TBC1D9: variants seen among roughly 807,000 people sequenced by gnomAD.
TBC1D9 encodes TBC1 domain family member 9A.
In TBC1D9, 63 loss-of-function variants were observed where a neutral mutation model predicts 132.0. That is an observed-to-expected ratio of 0.48 (90% CI 0.39 to 0.59). The LOEUF (loss-of-function observed/expected upper bound fraction) is 0.59. TBC1D9 is among the 20% of genes least tolerant of loss of function. TBC1D9 has a pLI of 0.00. For synonymous variants in TBC1D9, 610 were observed against 609.9 expected (o/e 1.00, Z 0.00); for missense variants, 1,261 against 1,592.7 (o/e 0.79, Z 3.54).
At chr4:140,641,751 T>C (rs1417150470) in intron 13 of TBC1D9, 4 of 225,074 alleles carry the variant, frequency 1.8e-5, no homozygotes, top group South Asian at 1.4e-4. Flanking sequence ...AACGATACAG[T>C]ACAAATCAAA....
Position 140,686,434 on chromosome 4 carries a change from G to A in TBC1D9, c.270C>T (p.His90=), listed in dbSNP as rs767632810. ...AGAGATTTTGCTCAAGCCATTCCCA[G>A]TGTTCAGTGATTTCTTTCCTGGAAC... ...CGGSRKEITE[H]WEWLEQNLLQ... is the part of the protein sequence containing the mutation. The change falls in exon 3 of 21, where the codon CAC becomes CAT. Residue 90 remains histidine, a synonymous_variant. Coordinates refer to ENST00000442267, the MANE Select transcript of TBC1D9 (RefSeq NM_015130.3). 36 of 1,610,978 alleles carry A rather than the reference G, an allele frequency of 2.2e-5. No individual in the cohort carries two copies. The South Asian group carries it at 3.7e-4, about 17-fold the overall frequency.
At chr4:140,678,690 C>T (rs894886866) in intron 5 of TBC1D9, among the ~76,000 whole-genome samples, 3 of 152,200 alleles carry the variant, frequency 2.0e-5, no homozygotes, top group African/African-American at 7.2e-5. Context: ...GAGGCTATCA[C>T]TCCCCATGTG....
Position 140,669,077 on chromosome 4 carries a change from A to G in TBC1D9, c.1438-10T>C. 1 of 1,613,748 alleles carries G rather than the reference A, an allele frequency of 6.2e-7. No individual in the cohort carries two copies. Among genetic ancestry groups the G allele is most frequent in the South Asian group, 1.1e-5 (1 of 91,008 alleles). On this transcript the variant is annotated splice_polypyrimidine_tract_variant and intron_variant, in intron 8 of 20. Transcript: ENST00000442267. ...TCAGAAACTCTTTGGCCTGAAAGGG[A>G]TAATGAAACATTATGACATCCAAAG...
chr4:140,679,003 G>T lies in TBC1D9; in HGVS notation c.790C>A (p.Gln264Lys), dbSNP rs774561535. ...TTGAGTTTGGGCAGGGATCGATCTT[G>T]TTCAAATCCCTCATTGTCTAAGAGT... is the stretch of plus-strand genomic sequence containing the variant. The part of the protein sequence containing the change: ...RQLLDNEGFE[Q>K]DRSLPKLKRK... Residue 264 changes from glutamine to lysine, a missense_variant, in exon 5 of 21, where the codon CAA (glutamine) becomes AAA (lysine). Gln to Lys is a moderately conservative substitution (Grantham distance 53, BLOSUM62 1). This residue lies in a region of TBC1D9 where 550 missense variants were observed against 699.0 expected (regional missense o/e 0.79). Coordinates refer to ENST00000442267, the MANE Select transcript of TBC1D9 (RefSeq NM_015130.3). 1 of 1,613,890 alleles carries T rather than the reference G, an allele frequency of 6.2e-7. No individual in the cohort carries two copies. Among genetic ancestry groups the T allele is most frequent in the East Asian group, 2.2e-5 (1 of 44,876 alleles).
At chr4:140,744,435 G>T (rs770680067) in intron 1 of TBC1D9, among the ~76,000 whole-genome samples, 3 of 152,046 alleles carry the variant, frequency 2.0e-5, no homozygotes, top group Non-Finnish European at 4.4e-5. Context: ...TCAAATTCAG[G>T]CACAACTGAC....
intron 6 of TBC1D9, among the ~76,000 whole-genome samples, chr4:140,675,759 AAC>A (rs999473705): frequency 3.9e-5 from 6 of 152,230 alleles, no homozygotes; most frequent in African/African-American, 1.4e-4. Context: ...TGATGGTTCT[AAC>A]ACAGGAAATC....
At chr4:140,716,870 T>C (rs1031176881) in intron 1 of TBC1D9, among the ~76,000 whole-genome samples, 3 of 151,146 alleles carry the variant, frequency 2.0e-5, no homozygotes, top group East Asian at 1.9e-4. Flanking sequence ...CAACCCACTA[T>C]GCTGATTTAA....
intron 13 of TBC1D9, chr4:140,644,048 CGA>C: frequency 2.2e-6 from 1 of 447,542 alleles, no homozygotes; most frequent in East Asian, 4.9e-5. Flanking sequence ...TGTCTTCGGG[CGA>C]GAGTGTCAGG....
chr4:140,667,054 T>C (rs1191456656), intron 9 of TBC1D9, among the ~76,000 whole-genome samples: 1 of 152,214 alleles, frequency 6.6e-6, no homozygotes, highest in East Asian at 1.9e-4. Flanking sequence ...GCATTTCATT[T>C]CAGCGGGTAC....
At chr4:140,644,712 C>G (rs6843347) in intron 13 of TBC1D9, 62,031 of 412,378 alleles carry the variant, frequency 0.15, 5,681 homozygotes, top group African/African-American at 0.31. Flanking sequence ...GGAAGTGCTG[C>G]AGCGAAAAGA....
chr4:140,712,351 G>A (rs2111049405), intron 1 of TBC1D9: 1 of 146,812 alleles, frequency 6.8e-6, no homozygotes, highest in African/African-American at 2.5e-5. Flanking sequence ...TTAATAACTA[G>A]TTTATCTCAA....
chr4:140,660,484 C>T (rs559320487), intron 10 of TBC1D9, among the ~76,000 whole-genome samples: 3 of 152,196 alleles, frequency 2.0e-5, no homozygotes, highest in Non-Finnish European at 1.5e-5. Context: ...GTTTAATAGG[C>T]TCTTTCTTGT....
intron 13 of TBC1D9, chr4:140,642,630 T>C: frequency 1.3e-6 from 1 of 764,124 alleles, no homozygotes; most frequent in Admixed American, 2.2e-5. Flanking sequence ...CTTATGAACT[T>C]AGACGAAGCC....
chr4:140,639,311 T>TA lies in TBC1D9; in HGVS notation c.2436+18dup. 1 of 1,591,498 alleles carries TA rather than the reference T, an allele frequency of 6.3e-7. No homozygotes were observed. Among genetic ancestry groups the TA allele is most frequent in the Non-Finnish European group, 8.6e-7 (1 of 1,164,064 alleles). On this transcript the variant is annotated intron_variant, in intron 14 of 20. Transcript: ENST00000442267. ...AAGGAAGATGACAGAGGTTGCCTGC[T>TA]ACTTCTTAAAGGACTTACCACGTTG...
chr4:140,657,161 A>G lies in TBC1D9; in HGVS notation c.2273T>C (p.Leu758Pro). Residue 758 changes from leucine (L) to proline (P), a missense_variant, in exon 13 of 21, where the codon CTC (leucine) becomes CCC (proline). Physicochemically the swap from Leu to Pro is moderately conservative, Grantham distance 98. Transcript: ENST00000442267. Reference protein sequence around the residue: ...LPPIPHLHSLLSDDVEPYPEV... With the variant: ...LPPIPHLHSLPSDDVEPYPEV... ...AGGGTAAGGTTCCACATCATCGCTGAGCAAGGAGTGGAGGTGAGGAATGGG... is the reference window on the plus strand; with the variant it reads ...AGGGTAAGGTTCCACATCATCGCTGGGCAAGGAGTGGAGGTGAGGAATGGG... 1 of 1,613,906 alleles carries G rather than the reference A, an allele frequency of 6.2e-7. No homozygotes were observed. The highest frequency in any genetic ancestry group is 2.2e-5 in the East Asian group (1 of 44,882).
At chr4:140,747,057 T>C (rs1738847892) in intron 1 of TBC1D9, among the ~76,000 whole-genome samples, 1 of 151,296 alleles carries the variant, frequency 6.6e-6, no homozygotes, top group Non-Finnish European at 1.5e-5. Context: ...TAAAGAAGAA[T>C]ACTAAATAGG....
intron 1 of TBC1D9, among the ~76,000 whole-genome samples, chr4:140,742,400 C>T (rs534428925): frequency 4.6e-5 from 7 of 151,630 alleles, no homozygotes; most frequent in East Asian, 1.9e-4. Flanking sequence ...GGCATGGTGG[C>T]GGGCATCTGT....
rs376886163 is a variant in TBC1D9 at position 140,634,159 on chromosome 4, G to A, written c.2535C>T (p.Gly845=). 23 of 1,613,410 alleles carry A rather than the reference G, an allele frequency of 1.4e-5. No homozygotes were observed. The highest frequency in any genetic ancestry group is 8.8e-5 in the South Asian group (8 of 91,078). The change falls in exon 16 of 21, where the codon GGC becomes GGT. Residue 845 remains glycine, a synonymous_variant. Transcript: ENST00000442267. ...GCCGGTCCAGCGCGTTGCTGCTCCC[G>A]CCCCAGTAGCAGCTGGTGAGATGTT... ...KAEHLTSCYW[G]GSSNALDRHD...
intron 1 of TBC1D9, among the ~76,000 whole-genome samples, chr4:140,751,436 T>C (rs1738921933): frequency 6.6e-6 from 1 of 152,122 alleles, no homozygotes; most frequent in African/African-American, 2.4e-5. Flanking sequence ...AAAAATTAAT[T>C]CCCAGTGATC....
Sources: gnomAD v4.1 joint callset for allele counts (sites outside exome capture counted in the v4.1 genomes callset) on GRCh38, gnomAD v4.1.1 for gene constraint, gnomAD v4.1.1 regional missense constraint, MANE v1.5 for transcripts, NCBI Gene and HGNC (gene_info 2026-07-23, HGNC 2026-07-21) for gene names.